Variants in SPRED1 observed in about 807,000 individuals in gnomAD.
SPRED1 encodes sprouty-related, EVH1 domain-containing protein 1.
SPRED1 carries 18 observed loss-of-function variants against 52.3 expected under a neutral mutation model. The ratio of observed to expected loss-of-function variants is 0.34; its 90% CI spans 0.24 to 0.51. The LOEUF (loss-of-function observed/expected upper bound fraction) is 0.51. SPRED1 is among the 20% of genes least tolerant of loss of function. The probability of loss-of-function intolerance (pLI) is 0.97; values close to 1 mark genes in which losing one functional copy is unlikely to be tolerated. For missense variants in SPRED1, 485 were observed against 551.0 expected (o/e 0.88, Z 1.20); for synonymous variants, 155 against 179.7 (o/e 0.86, Z 1.10).
In SPRED1 at chr15:38,259,563, A is replaced by T. The variant is rs537747633; in HGVS notation, c.32+6346A>T. ...GCACAGCCCTCATTTTAAAAAAGAG[A>T]AAAAAAGTATGGCCTCCATCTGTGG... On this transcript the variant is annotated intron_variant, in intron 1 of 6. Transcript: ENST00000299084. Among the ~76,000 whole-genome samples, 5 of 152,314 alleles carry T rather than the reference A, an allele frequency of 3.3e-5. No homozygotes were observed. In the South Asian group the frequency reaches 1.0e-3, roughly 32 times the overall value.
At chr15:38,306,670 A>G (rs895863123) in intron 2 of SPRED1, among the ~76,000 whole-genome samples, 1 of 152,154 alleles carries the variant, frequency 6.6e-6, no homozygotes, top group African/African-American at 2.4e-5. Flanking sequence ...TCTGCCTATT[A>G]GCATTTCTGT....
chr15:38,254,643 A>C (rs558293420), intron 1 of SPRED1, among the ~76,000 whole-genome samples: 15 of 152,354 alleles, frequency 9.8e-5, no homozygotes, highest in Non-Finnish European at 1.9e-4. Context: ...TTTTAGGTTA[A>C]ATTTAAAAAC....
In SPRED1 at chr15:38,282,501, C is replaced by T. The variant is rs190528158; in HGVS notation, c.33-16872C>T. 2.7e-3 allele frequency among the ~76,000 whole-genome samples: 404 copies of T among 149,358 alleles called. 1 individual carries two copies. Among genetic ancestry groups the T allele is most frequent in the Middle Eastern group, 3.4e-3 (1 of 290 alleles). On this transcript the variant is annotated intron_variant, in intron 1 of 6. Transcript: ENST00000299084. ...TGGCCTGGGCAACAGAGCGAGACCC[C>T]GTCTCAAAAAAAAAAAAAAATTCTT...
At chr15:38,342,369 T>G (rs112487422) in intron 5 of SPRED1, among the ~76,000 whole-genome samples, 145 of 152,166 alleles carry the variant, frequency 9.5e-4, no homozygotes, top group African/African-American at 3.2e-3. Context: ...TTTACCTCCC[T>G]TTTACCTTTT....
chr15:38,331,649 G>GTAGTA (rs1555391490), intron 4 of SPRED1, among the ~76,000 whole-genome samples: 1 of 151,890 alleles, frequency 6.6e-6, no homozygotes, highest in Non-Finnish European at 1.5e-5. Context: ...TAGGTATATT[G>GTAGTA]TATTATATTA....
rs757726772 is a variant in SPRED1 at position 38,299,387 on chromosome 15, G to A, written c.47G>A (p.Arg16Gln). The change falls in exon 2 of 7, where the codon CGA becomes CAA. Residue 16 changes from arginine (R) to glutamine (Q), a missense_variant. Physicochemically the swap from Arg to Gln is conservative, Grantham distance 43. Around this residue, in one of 5 missense-constraint regions of SPRED1, gnomAD observed 34 missense variants for 25.8 expected, o/e 1.32. Transcript: ENST00000299084. ...ATSDNDNSYA[R>Q]VRAVVMTRDD... ...ATCTATTTTAGTAATAGTTATGCAC[G>A]AGTGCGAGCTGTGGTGATGACCCGA... 6 of 1,613,666 alleles carry A rather than the reference G, an allele frequency of 3.7e-6. No individual in the cohort carries two copies. The African/African-American group carries it at 4.0e-5, about 11-fold the overall frequency.
At chr15:38,322,170 T>C in intron 2 of SPRED1, 71 bp from the exon 3 acceptor site, 5 of 1,443,770 alleles carry the variant, frequency 3.5e-6, no homozygotes, top group Non-Finnish European at 4.9e-6. Flanking sequence ...ATCACCTCAG[T>C]TTGTATTTAT....
At chr15:38,317,236 G>A (rs1230625854) in intron 2 of SPRED1, among the ~76,000 whole-genome samples, 1 of 151,912 alleles carries the variant, frequency 6.6e-6, no homozygotes, top group Non-Finnish European at 1.5e-5. Flanking sequence ...TTAAGATTAT[G>A]TTTTTAATAG....
chr15:38,265,835 G>A (rs950330797), intron 1 of SPRED1, among the ~76,000 whole-genome samples: 2 of 151,888 alleles, frequency 1.3e-5, no homozygotes, highest in East Asian at 1.9e-4. Flanking sequence ...TCGTGGGAGA[G>A]AATGGGAGAG....
chr15:38,267,996 ACTGTCCTAG>A (rs1178933744), intron 1 of SPRED1, among the ~76,000 whole-genome samples: 1 of 152,210 alleles, frequency 6.6e-6, no homozygotes, highest in African/African-American at 2.4e-5. Flanking sequence ...TGGGAAAACA[ACTGTCCTAG>A]TGATTAGAAT....
At chr15:38,333,152 G>C (rs1446415852) in intron 4 of SPRED1, among the ~76,000 whole-genome samples, 1 of 152,142 alleles carries the variant, frequency 6.6e-6, no homozygotes, top group Non-Finnish European at 1.5e-5. Context: ...GTAAGTAAAA[G>C]AGTACTCAGA....
intron 3 of SPRED1, among the ~76,000 whole-genome samples, chr15:38,324,350 A>G (rs1895666454): frequency 6.6e-6 from 1 of 152,232 alleles, no homozygotes; most frequent in Admixed American, 6.5e-5. Context: ...TAGCTAAAGC[A>G]ACTAAAATCC....
At chr15:38,306,999 G>A (rs1207910132) in intron 2 of SPRED1, among the ~76,000 whole-genome samples, 5 of 152,046 alleles carry the variant, frequency 3.3e-5, no homozygotes, top group Non-Finnish European at 7.4e-5. Context: ...ATACCTGATT[G>A]TGGTATATTT....
intron 2 of SPRED1, among the ~76,000 whole-genome samples, chr15:38,307,694 T>C (rs1166558263): frequency 6.6e-6 from 1 of 152,188 alleles, no homozygotes; most frequent in African/African-American, 2.4e-5. Context: ...AGTAGTATTC[T>C]ATGATATGCA....
intron 1 of SPRED1, among the ~76,000 whole-genome samples, chr15:38,280,884 C>T (rs1302763368): frequency 6.6e-6 from 1 of 152,164 alleles, no homozygotes; most frequent in Non-Finnish European, 1.5e-5. Context: ...GTGAGCCTAG[C>T]TCATCACCTA....
At chr15:38,344,422 C>A (rs4594216) in intron 5 of SPRED1, among the ~76,000 whole-genome samples, 2 of 152,098 alleles carry the variant, frequency 1.3e-5, no homozygotes, top group Non-Finnish European at 2.9e-5. Flanking sequence ...AAGAACTGAA[C>A]TCTTCTCCCA....
At chr15:38,325,450 G>GT (rs147425691) in intron 4 of SPRED1, among the ~76,000 whole-genome samples, 11,387 of 148,916 alleles carry the variant, frequency 0.076, 607 homozygotes, top group Non-Finnish European at 0.12. Context: ...AGTTTCTGGG[G>GT]TTTTTTTTTT....
rs554991182 is a variant in SPRED1 at position 38,345,299 on chromosome 15, A to T, written c.583-4123A>T. On this transcript the variant is annotated intron_variant, in intron 5 of 6. Coordinates refer to ENST00000299084, the MANE Select transcript of SPRED1 (RefSeq NM_152594.3). ...GTAGTTACTTGCAGTAGCCTGATTAACACATTCTCTACCTAAAATAGGTCT... is the reference window on the plus strand; with the variant it reads ...GTAGTTACTTGCAGTAGCCTGATTATCACATTCTCTACCTAAAATAGGTCT... 1.2e-4 allele frequency among the ~76,000 whole-genome samples: 18 copies of T among 152,344 alleles called. No individual in the cohort carries two copies. In the South Asian group the frequency reaches 3.7e-3, roughly 32 times the overall value.
At chr15:38,281,583 T>G (rs1011035879) in intron 1 of SPRED1, among the ~76,000 whole-genome samples, 12 of 146,996 alleles carry the variant, frequency 8.2e-5, no homozygotes, top group African/African-American at 3.0e-4. Flanking sequence ...TTTTTTTTTT[T>G]GTAGAGACAG....
Sources: allele counts gnomAD v4.1 joint callset (sites outside exome capture counted in the v4.1 genomes callset), GRCh38; gene constraint gnomAD v4.1.1; regional missense constraint gnomAD v4.1.1; transcripts MANE v1.5; gene names NCBI Gene and HGNC (gene_info 2026-07-23, HGNC 2026-07-21).